MAST4: variants seen among roughly 807,000 people sequenced by gnomAD.
The protein encoded by MAST4 is microtubule-associated serine/threonine-protein kinase 4.
In MAST4, 89 loss-of-function variants were observed where a neutral mutation model predicts 162.7. The ratio of observed to expected loss-of-function variants is 0.55; its 90% CI spans 0.46 to 0.65. The LOEUF is 0.65. MAST4 is among the 30% of genes least tolerant of loss of function. The pLI, the probability that MAST4 is intolerant of heterozygous loss-of-function variation, is 0.00. For synonymous variants in MAST4, 1,479 were observed against 1,361.1 expected, an observed-to-expected ratio of 1.09 and a Z score of -1.91; for missense variants, 3,153 against 3,374.0, an observed-to-expected ratio of 0.93 and a Z score of 1.62.
chr5:66,799,305 C>T (rs1755803291), intron 3 of MAST4, among the ~76,000 whole-genome samples: 1 of 152,160 alleles, frequency 6.6e-6, no homozygotes, highest in South Asian at 2.1e-4. Context: ...CACCCTCACC[C>T]CAATCCAGGT....
At chr5:66,869,207 A>T (rs192002135) in intron 3 of MAST4, among the ~76,000 whole-genome samples, 88 of 152,364 alleles carry the variant, frequency 5.8e-4, no homozygotes, top group African/African-American at 2.1e-3. Context: ...GGGGGAAAAA[A>T]GGTTTAAAAT....
intron 4 of MAST4, among the ~76,000 whole-genome samples, chr5:66,934,094 A>G (rs1310138970): frequency 6.6e-6 from 1 of 152,224 alleles, no homozygotes; most frequent in East Asian, 1.9e-4. Context: ...TAATTGCAAA[A>G]AAAGTAGCAT....
intron 24 of MAST4, 134 bp downstream of exon 24, chr5:67,149,723 G>A: frequency 1.1e-6 from 1 of 877,406 alleles, no homozygotes; most frequent in Non-Finnish European, 1.8e-6. Flanking sequence ...GACAGCTCTT[G>A]AGAGCTTCTG....
intron 3 of MAST4, among the ~76,000 whole-genome samples, chr5:66,803,441 A>G (rs768121203): frequency 6.6e-6 from 1 of 152,208 alleles, no homozygotes; most frequent in Admixed American, 6.5e-5. Context: ...TTAAAATTAC[A>G]TTAAATGTGT....
intron 6 of MAST4, among the ~76,000 whole-genome samples, chr5:67,095,274 GC>G (rs1204463252): frequency 1.3e-5 from 2 of 152,090 alleles, no homozygotes; most frequent in Non-Finnish European, 2.9e-5. Flanking sequence ...TTTTCCTCCT[GC>G]CTTTCTGTTC....
At chr5:66,955,110 A>G (rs113634620) in intron 4 of MAST4, among the ~76,000 whole-genome samples, 10,048 of 150,982 alleles carry the variant, frequency 0.067, 1,040 homozygotes, top group African/African-American at 0.23. Flanking sequence ...GGAGGCTGAG[A>G]TGAGAGGATT....
At chr5:67,068,154 T>G (rs187337705) in intron 5 of MAST4, among the ~76,000 whole-genome samples, 3 of 152,320 alleles carry the variant, frequency 2.0e-5, no homozygotes, top group African/African-American at 7.2e-5. Flanking sequence ...TGAGCCTTGA[T>G]TCACTCTTCT....
chr5:66,870,980 G>A, intron 3 of MAST4: 1 of 379,022 alleles, frequency 2.6e-6, no homozygotes, highest in Admixed American at 3.4e-5. Context: ...ATTGAGAGGA[G>A]TCAAAGTCTT....
chr5:66,756,435 T>C (rs762961644), intron 1 of MAST4, among the ~76,000 whole-genome samples: 59 of 152,226 alleles, frequency 3.9e-4, no homozygotes, highest in Non-Finnish European at 7.2e-4. Flanking sequence ...AGGGGTATCA[T>C]GCCCAGGCTT....
At chr5:66,636,582 A>G (rs1430249340) in intron 1 of MAST4, among the ~76,000 whole-genome samples, 1 of 152,186 alleles carries the variant, frequency 6.6e-6, no homozygotes, top group African/African-American at 2.4e-5. Context: ...ATTAGAGAAG[A>G]AAAGGTAGAT....
chr5:66,970,399 T>G (rs1561490733), intron 4 of MAST4, among the ~76,000 whole-genome samples: 1 of 152,100 alleles, frequency 6.6e-6, no homozygotes, highest in Non-Finnish European at 1.5e-5. Flanking sequence ...TTAAAATGGG[T>G]ATTATAAGCT....
intron 4 of MAST4, among the ~76,000 whole-genome samples, chr5:66,907,618 G>GTC (rs879387535): frequency 6.5e-4 from 99 of 151,274 alleles, no homozygotes; most frequent in Non-Finnish European, 1.2e-3. Flanking sequence ...GTGTGTGTGT[G>GTC]TGTGTGTGTG....
At chr5:66,655,936 A>G (rs1211240621) in intron 1 of MAST4, among the ~76,000 whole-genome samples, 1 of 152,164 alleles carries the variant, frequency 6.6e-6, no homozygotes, top group Non-Finnish European at 1.5e-5. Context: ...CCCTGTATTT[A>G]TTTTTTTAAC....
intron 4 of MAST4, among the ~76,000 whole-genome samples, chr5:66,948,152 C>A (rs924746257): frequency 6.6e-6 from 1 of 152,076 alleles, no homozygotes; most frequent in Non-Finnish European, 1.5e-5. Flanking sequence ...GGACTAAGTT[C>A]CCAAGTTGGC....
chr5:67,061,012 G>A (rs985421474), intron 5 of MAST4, among the ~76,000 whole-genome samples: 1 of 152,150 alleles, frequency 6.6e-6, no homozygotes, highest in Admixed American at 6.6e-5. Flanking sequence ...AAAAGTGTGA[G>A]TTTCTGATTA....
At chr5:66,892,074 A>G (rs1181265922) in intron 3 of MAST4, among the ~76,000 whole-genome samples, 5 of 152,240 alleles carry the variant, frequency 3.3e-5, no homozygotes, top group African/African-American at 1.2e-4. Flanking sequence ...GCCCTGAGCA[A>G]ACATCATTTT....
intron 4 of MAST4, among the ~76,000 whole-genome samples, chr5:66,916,629 T>A (rs1378555064): frequency 6.6e-6 from 1 of 152,188 alleles, no homozygotes; most frequent in Admixed American, 6.5e-5. Flanking sequence ...TGGTGTGTAT[T>A]CTTCCATTCT....
chr5:66,962,639 G>A (rs75133929), intron 4 of MAST4, among the ~76,000 whole-genome samples: 2,579 of 152,240 alleles, frequency 0.017, 45 homozygotes, highest in South Asian at 0.052. Flanking sequence ...AGCCCAGGAG[G>A]TGGAGGCTGC....
At chr5:66,749,308 C>G (rs377465422) in intron 1 of MAST4, among the ~76,000 whole-genome samples, 5 of 152,302 alleles carry the variant, frequency 3.3e-5, no homozygotes, top group African/African-American at 1.2e-4. Flanking sequence ...GCAATTCCCA[C>G]TGGGGCTAGG....
Sources: allele counts gnomAD v4.1 joint callset (sites outside exome capture counted in the v4.1 genomes callset), GRCh38; gene constraint gnomAD v4.1.1; transcripts MANE v1.5; gene names NCBI Gene and HGNC (gene_info 2026-07-23, HGNC 2026-07-21).